The following C1QTNF7 variants were observed in gnomAD, a reference collection of about 807,000 sequenced individuals.
The protein encoded by C1QTNF7 is complement C1q tumor necrosis factor-related protein 7.
A neutral mutation model predicts 19.6 loss-of-function variants in C1QTNF7; 15 were observed. The observed-to-expected ratio is 0.76, with a 90% confidence interval of 0.51 to 1.18. The LOEUF is 1.18. Ranked by LOEUF, C1QTNF7 falls within the 50% of genes most tolerant of loss-of-function variation. The pLI, the probability that C1QTNF7 is intolerant of heterozygous loss-of-function variation, is 0.00. For synonymous variants in C1QTNF7, 142 were observed against 137.5 expected (o/e 1.03, Z -0.23); for missense variants, 324 against 359.7 (o/e 0.90, Z 0.80).
intron 1 of C1QTNF7, among the ~76,000 whole-genome samples, chr4:15,364,585 G>A (rs886425949): frequency 3.3e-5 from 5 of 152,152 alleles, no homozygotes; most frequent in East Asian, 1.9e-4. Flanking sequence ...AATAAGACAC[G>A]TTTCTCTAGC....
intron 1 of C1QTNF7, among the ~76,000 whole-genome samples, chr4:15,400,230 G>C (rs1414738271): frequency 3.3e-5 from 5 of 152,124 alleles, no homozygotes; most frequent in Admixed American, 3.3e-4. Context: ...TAAACAACTT[G>C]ACTGAAAAAA....
chr4:15,362,710 T>C (rs1040622964), intron 1 of C1QTNF7, among the ~76,000 whole-genome samples: 4 of 152,226 alleles, frequency 2.6e-5, no homozygotes, highest in Non-Finnish European at 5.9e-5. Context: ...TTACAGCCCA[T>C]ATATCCTTCA....
intron 1 of C1QTNF7, among the ~76,000 whole-genome samples, chr4:15,395,979 A>G (rs768798858): frequency 5.3e-5 from 8 of 152,160 alleles, no homozygotes; most frequent in Non-Finnish European, 7.4e-5. Flanking sequence ...GGCAGATGCT[A>G]ATCTCCAAAG....
At chr4:15,411,209 T>C (rs1362397039) in intron 1 of C1QTNF7, among the ~76,000 whole-genome samples, 2 of 152,118 alleles carry the variant, frequency 1.3e-5, no homozygotes, top group African/African-American at 4.8e-5. Context: ...ACTAACTTTT[T>C]CCCATTTTCT....
At chr4:15,379,247 T>G (rs1180064745) in intron 1 of C1QTNF7, among the ~76,000 whole-genome samples, 1 of 152,120 alleles carries the variant, frequency 6.6e-6, no homozygotes, top group Non-Finnish European at 1.5e-5. Flanking sequence ...GAAATTGGAG[T>G]TAATTTGCCT....
chr4:15,431,075 T>C (rs746706312), intron 1 of C1QTNF7, among the ~76,000 whole-genome samples: 3 of 151,862 alleles, frequency 2.0e-5, no homozygotes, highest in Non-Finnish European at 4.4e-5. Flanking sequence ...GATAGATAGA[T>C]AGATAGATAG....
chr4:15,424,894 A>T (rs971610195), upstream of C1QTNF7, among the ~76,000 whole-genome samples: 1 of 152,118 alleles, frequency 6.6e-6, no homozygotes, highest in Non-Finnish European at 1.5e-5. Context: ...GGAATTCCCA[A>T]TTCATATCCT....
At chr4:15,385,875 G>A (rs898114470) in intron 1 of C1QTNF7, among the ~76,000 whole-genome samples, 1 of 152,140 alleles carries the variant, frequency 6.6e-6, no homozygotes. Flanking sequence ...CCTTCATTAC[G>A]GCTTATATAT....
chr4:15,383,169 G>A (rs1403818062), intron 1 of C1QTNF7, among the ~76,000 whole-genome samples: 5 of 152,140 alleles, frequency 3.3e-5, no homozygotes, highest in Admixed American at 3.3e-4. Context: ...CAGACACTAT[G>A]CAAACCATGG....
chr4:15,342,711 G>A (rs1262424673), intron 1 of C1QTNF7, among the ~76,000 whole-genome samples: 1 of 152,232 alleles, frequency 6.6e-6, no homozygotes, highest in Admixed American at 6.5e-5. Flanking sequence ...CAAGTAGCTT[G>A]GGCCTGGCGG....
chr4:15,403,017 T>G (rs1214739820), intron 1 of C1QTNF7, among the ~76,000 whole-genome samples: 3 of 151,922 alleles, frequency 2.0e-5, no homozygotes, highest in Non-Finnish European at 2.9e-5. Flanking sequence ...TCCTTGAAAT[T>G]TTTATGATAA....
intron 1 of C1QTNF7, among the ~76,000 whole-genome samples, chr4:15,358,853 C>G (rs1244044315): frequency 6.6e-6 from 1 of 152,110 alleles, no homozygotes; most frequent in Non-Finnish European, 1.5e-5. Context: ...GCCACAGCAT[C>G]TAGACTAGGT....
rs180803768 is a variant in C1QTNF7, at chr4:15,349,905, T to G, written c.13+9698T>G. Among the ~76,000 whole-genome samples, 5 of 152,178 alleles carry G rather than the reference T, an allele frequency of 3.3e-5. No homozygotes were observed. The East Asian group carries it at 9.7e-4, about 30-fold the overall frequency. Reference sequence around the variant, plus strand: ...GGCAATTTATAGTTGAAGCTGTTGCTAGGGTGTTGCTAAAGGAAATCTGTA... The same window carrying G: ...GGCAATTTATAGTTGAAGCTGTTGCGAGGGTGTTGCTAAAGGAAATCTGTA... On this transcript the variant is annotated intron_variant, in intron 1 of 2. Transcript: ENST00000295297.
intron 1 of C1QTNF7, among the ~76,000 whole-genome samples, chr4:15,405,878 A>G (rs1024976439): frequency 2.7e-5 from 4 of 150,356 alleles, no homozygotes; most frequent in African/African-American, 9.8e-5. Context: ...CTGCCATCTC[A>G]CTCTCCTTCC....
In C1QTNF7 at chr4:15,435,798, C is replaced by G. The variant is rs779357256; in HGVS notation, c.55C>G (p.Arg19Gly). The G allele has an allele frequency of 1.2e-6, 2 of 1,614,012 alleles. No homozygotes were observed. Among genetic ancestry groups the G allele is most frequent in the Non-Finnish European group, 1.7e-6 (2 of 1,180,038 alleles). ...SFAICASGQPRGNQLKGENYS... is the reference protein window; with the variant it reads ...SFAICASGQPGGNQLKGENYS... ...TGCCATTTGTGCCAGTGGACAACCC[C>G]GGGGTAATCAGTTGAAAGGAGAGAA... The change falls in exon 2 of 3, where the codon CGG becomes GGG. Residue 19 changes from arginine (R) to glycine (G), a missense_variant. By Grantham distance (125) the Arg-to-Gly change is moderately radical. Coordinates refer to ENST00000444304, the MANE Select transcript of C1QTNF7 (RefSeq NM_031911.5).
chr4:15,414,007 A>C (rs1012796004), intron 1 of C1QTNF7, among the ~76,000 whole-genome samples: 1 of 152,212 alleles, frequency 6.6e-6, no homozygotes, highest in African/African-American at 2.4e-5. Flanking sequence ...CTCTGCACAC[A>C]GGTATAATGG....
At chr4:15,384,132 G>T (rs1718245375) in intron 1 of C1QTNF7, among the ~76,000 whole-genome samples, 1 of 152,298 alleles carries the variant, frequency 6.6e-6, no homozygotes, top group Admixed American at 6.5e-5. Flanking sequence ...GGGGATAGTA[G>T]GGAAATTGAG....
chr4:15,423,517 G>T (rs1043041598), upstream of C1QTNF7, among the ~76,000 whole-genome samples: 1 of 152,190 alleles, frequency 6.6e-6, no homozygotes, highest in Non-Finnish European at 1.5e-5. Flanking sequence ...GTTGAAGTCC[G>T]CTTGAAAAGC....
chr4:15,421,039 C>G lies in C1QTNF7; in HGVS notation c.14-14697C>G, dbSNP rs1169828530. On this transcript the variant is annotated intron_variant, in intron 1 of 2. Transcript: ENST00000295297. Reference sequence around the variant, plus strand: ...GTTGGGTCTAATATAGCTCTTGACCCTGAACTTGGCTCATGTCCTCAGGCA... The same window carrying G: ...GTTGGGTCTAATATAGCTCTTGACCGTGAACTTGGCTCATGTCCTCAGGCA... 2.0e-5 allele frequency among the ~76,000 whole-genome samples: 3 copies of G among 151,686 alleles called. No individual in the cohort carries two copies. In the East Asian group the frequency reaches 5.8e-4, roughly 29 times the overall value.
Sources: gnomAD v4.1 joint callset for allele counts (sites outside exome capture counted in the v4.1 genomes callset) on GRCh38, gnomAD v4.1.1 for gene constraint, MANE v1.5 for transcripts, NCBI Gene and HGNC (gene_info 2026-07-23, HGNC 2026-07-21) for gene names.